GRIK1: variants seen among roughly 807,000 people sequenced by gnomAD.
GRIK1 encodes glutamate receptor ionotropic, kainate 1.
A neutral mutation model predicts 105.7 loss-of-function variants in GRIK1; 69 were observed. The ratio of observed to expected loss-of-function variants is 0.65; its 90% confidence interval spans 0.54 to 0.80. GRIK1 has a LOEUF of 0.80. Ranked by LOEUF, GRIK1 falls within the 30% of genes least tolerant of loss-of-function variation. The probability of loss-of-function intolerance (pLI) is 0.00; values close to 1 mark genes in which losing one functional copy is unlikely to be tolerated. For synonymous variants in GRIK1, 438 were observed against 431.3 expected (o/e 1.02, Z -0.19); for missense variants, 1,109 against 1,167.3 (o/e 0.95, Z 0.73).
At position 29,782,086 on chromosome 21, in the gene GRIK1, C is replaced by CTT. The variant is rs35928677; in HGVS notation, c.119-88025_119-88024dup. ...TGTCCCGTATACAACACTGCAACAC[C>CTT]TTTTTTTTTTTTTTTTCTGAGACGG... On this transcript the variant is annotated intron_variant, in intron 1 of 17. Coordinates refer to ENST00000327783, the MANE Select transcript of GRIK1 (RefSeq NM_001330994.2). Among the ~76,000 whole-genome samples, 74 of 136,962 alleles carry CTT rather than the reference C, an allele frequency of 5.4e-4. No individual in the cohort carries two copies. The Middle Eastern group carries it at 0.013, about 23-fold the overall frequency. 89.9% of individuals were successfully genotyped at this position (136,962 alleles called of 152,430 possible).
At chr21:29,699,652 C>CTT (rs769136639) in intron 1 of GRIK1, among the ~76,000 whole-genome samples, 4 of 144,398 alleles carry the variant, frequency 2.8e-5, no homozygotes, top group Admixed American at 6.9e-5. Flanking sequence ...TTATCAGCAT[C>CTT]TTTTTTTTTT....
rs764004739 is a variant in GRIK1 at position 29,642,969 on chromosome 21, T to C, written c.955A>G (p.Thr319Ala). ...GCATCGTACATCAGAGCCGCTTCAG[T>C]CTGTGGAGGAAAACACACACCGCAT... ...ETGLLDGMMTTEAALMYDAVY... is the reference protein window; with the variant it reads ...ETGLLDGMMTAEAALMYDAVY... The change falls in exon 7 of 18, where the codon ACT (threonine) becomes GCT (alanine). Residue 319 changes from threonine to alanine, a missense_variant and splice_region_variant. Transcript: ENST00000327783. The C allele has an allele frequency of 6.2e-7, 1 of 1,613,124 alleles. No homozygotes were observed. Among genetic ancestry groups the C allele is most frequent in the South Asian group, 1.1e-5 (1 of 90,914 alleles).
At chr21:29,796,153 T>C (rs2066549997) in intron 1 of GRIK1, among the ~76,000 whole-genome samples, 1 of 152,208 alleles carries the variant, frequency 6.6e-6, no homozygotes, top group African/African-American at 2.4e-5. Flanking sequence ...TGAAAATGTG[T>C]CCACACATCT....
chr21:29,677,591 A>G (rs2063295884), intron 3 of GRIK1, among the ~76,000 whole-genome samples: 1 of 152,220 alleles, frequency 6.6e-6, no homozygotes, highest in Non-Finnish European at 1.5e-5. Context: ...AGGAAAAAAA[A>G]AAAACCTCTG....
chr21:29,894,140 G>A (rs572211013), intron 1 of GRIK1, among the ~76,000 whole-genome samples: 1 of 152,228 alleles, frequency 6.6e-6, no homozygotes, highest in South Asian at 2.1e-4. Flanking sequence ...GTTCTCTAGA[G>A]GGACAGAACT....
intron 1 of GRIK1, among the ~76,000 whole-genome samples, chr21:29,888,161 T>TTTCCTTTC (rs2069711890): frequency 1.4e-4 from 1 of 7,276 alleles, no homozygotes; most frequent in Admixed American, 1.9e-3. Flanking sequence ...CTCCTTTCTT[T>TTTCCTTTC]TTTCTTTCTT....
At chr21:29,733,890 T>C (rs2064702275) in intron 1 of GRIK1, among the ~76,000 whole-genome samples, 1 of 152,128 alleles carries the variant, frequency 6.6e-6, no homozygotes, top group African/African-American at 2.4e-5. Flanking sequence ...ATAGTAGATG[T>C]AAAACTGTAA....
At chr21:29,894,442 A>T (rs2070031297) in intron 1 of GRIK1, among the ~76,000 whole-genome samples, 1 of 152,192 alleles carries the variant, frequency 6.6e-6, no homozygotes, top group Admixed American at 6.5e-5. Context: ...TGGGAGAAGG[A>T]TGAAGGCCAG....
chr21:29,784,879 C>T (rs960243171), intron 1 of GRIK1, among the ~76,000 whole-genome samples: 2 of 151,956 alleles, frequency 1.3e-5, no homozygotes, highest in Non-Finnish European at 2.9e-5. Flanking sequence ...AGGGAGTTGC[C>T]CAAGCTGTCT....
intron 1 of GRIK1, among the ~76,000 whole-genome samples, chr21:29,923,166 G>T (rs896159193): frequency 2.0e-5 from 3 of 152,116 alleles, no homozygotes; most frequent in Non-Finnish European, 4.4e-5. Flanking sequence ...AATTTGGATG[G>T]TCTCATATTG....
chr21:29,561,224 C>T (rs553397134), intron 15 of GRIK1, among the ~76,000 whole-genome samples: 117 of 152,288 alleles, frequency 7.7e-4, no homozygotes, highest in Middle Eastern at 3.4e-3. Flanking sequence ...AGCCCTCTCA[C>T]TTTTGCTGTC....
chr21:29,718,802 C>T (rs1471291689), intron 1 of GRIK1, among the ~76,000 whole-genome samples: 1 of 152,136 alleles, frequency 6.6e-6, no homozygotes, highest in Non-Finnish European at 1.5e-5. Flanking sequence ...TAATCAGAAA[C>T]CCTCTGTTAT....
At chr21:29,918,538 T>C (rs455685) in intron 1 of GRIK1, among the ~76,000 whole-genome samples, 33,469 of 151,960 alleles carry the variant, frequency 0.22, 4,185 homozygotes, top group African/African-American at 0.34. Flanking sequence ...ATCTCCTTTA[T>C]CTAAATTGAA....
rs111518108 is a variant in GRIK1 at position 29,843,122 on chromosome 21, T to C, written c.118+96261A>G. 8.3e-3 allele frequency among the ~76,000 whole-genome samples: 1,265 copies of C among 152,266 alleles called. 16 individuals carry two copies. The highest frequency in any genetic ancestry group is 0.029 in the African/African-American group (1,186 of 41,552). ...TCCACAGAACATGAGAATGATTCCGTGGGCAGGTTCTTGTCAGTAGGCTCA... is the reference window on the plus strand; with the variant it reads ...TCCACAGAACATGAGAATGATTCCGCGGGCAGGTTCTTGTCAGTAGGCTCA... On this transcript the variant is annotated intron_variant, in intron 1 of 17. Transcript: ENST00000327783.
At chr21:29,893,084 A>T (rs531283806) in intron 1 of GRIK1, among the ~76,000 whole-genome samples, 9 of 152,322 alleles carry the variant, frequency 5.9e-5, no homozygotes, top group African/African-American at 1.9e-4. Flanking sequence ...AAAATAATAC[A>T]GTTGTTGAAA....
intron 1 of GRIK1, among the ~76,000 whole-genome samples, chr21:29,900,593 C>T (rs1430612437): frequency 6.6e-6 from 1 of 152,082 alleles, no homozygotes; most frequent in Non-Finnish European, 1.5e-5. Context: ...GCTAACTACC[C>T]TAAATATATA....
chr21:29,631,266 A>G (rs1423471909), intron 7 of GRIK1, among the ~76,000 whole-genome samples: 1 of 152,218 alleles, frequency 6.6e-6, no homozygotes, highest in African/African-American at 2.4e-5. Context: ...TGTTGAAGCC[A>G]TAACCCCCAA....
intron 4 of GRIK1, among the ~76,000 whole-genome samples, chr21:29,658,954 A>C (rs374533023): frequency 1.3e-5 from 2 of 152,298 alleles, no homozygotes; most frequent in African/African-American, 4.8e-5. Context: ...TTTCTGTTAC[A>C]TGAATACTGC....
intron 6 of GRIK1, among the ~76,000 whole-genome samples, chr21:29,650,627 A>G (rs2062712397): frequency 1.3e-5 from 2 of 152,222 alleles, no homozygotes; most frequent in Non-Finnish European, 2.9e-5. Flanking sequence ...AAACACTGTC[A>G]GTTCTGCAGA....
Sources: allele counts gnomAD v4.1 joint callset (sites outside exome capture counted in the v4.1 genomes callset), GRCh38; gene constraint gnomAD v4.1.1; transcripts MANE v1.5; gene names NCBI Gene and HGNC (gene_info 2026-07-23, HGNC 2026-07-21).